The following KLF8 variants were observed in gnomAD, a reference collection of about 807,000 sequenced individuals.
KLF8 encodes Krueppel-like factor 8.
A neutral mutation model predicts 18.2 loss-of-function variants in KLF8; 10 were observed. The observed-to-expected ratio is 0.55, with a 90% CI of 0.34 to 0.93. The LOEUF is 0.93. Ranked by LOEUF, KLF8 falls within the 40% of genes least tolerant of loss-of-function variation. KLF8 has a pLI of 0.02. For synonymous variants in KLF8, 109 were observed against 97.3 expected, an observed-to-expected ratio of 1.12 and a Z score of -0.71; for missense variants, 264 against 277.9, an observed-to-expected ratio of 0.95 and a Z score of 0.36.
At chrX:56,067,263 C>T in the KLF8 span, among the ~76,000 whole-genome samples, 1 of 105,660 alleles carries the variant, frequency 9.5e-6, no homozygotes, top group Non-Finnish European at 2.0e-5. Context: ...CATCTTAAAG[C>T]TTCTTCCCAA....
the KLF8 span, among the ~76,000 whole-genome samples, chrX:56,153,911 C>A: frequency 2.7e-5 from 3 of 111,316 alleles, no homozygotes. Flanking sequence ...CTACAAACCA[C>A]TGCTCAGTGA....
At chrX:56,091,258 T>C in the KLF8 span, among the ~76,000 whole-genome samples, 6 of 110,764 alleles carry the variant, frequency 5.4e-5, no homozygotes, top group East Asian at 1.4e-3. Context: ...AAGGGGCTTT[T>C]CCCCCATCAC....
At chrX:56,003,774 G>A in the KLF8 span, among the ~76,000 whole-genome samples, 6 of 111,976 alleles carry the variant, frequency 5.4e-5, no homozygotes, top group East Asian at 1.7e-3. Context: ...ACAGATCTGT[G>A]TGTTTTCTTA....
chrX:56,092,868 C>T, the KLF8 span, among the ~76,000 whole-genome samples: 1 of 109,466 alleles, frequency 9.1e-6, no homozygotes. Flanking sequence ...AAAGGAAATG[C>T]TATAAATTAA....
At chrX:56,135,893 C>T in the KLF8 span, among the ~76,000 whole-genome samples, 73 of 111,058 alleles carry the variant, frequency 6.6e-4, no homozygotes, top group Admixed American at 1.7e-3. Context: ...CCACTAAATG[C>T]CCACATCAAA....
chrX:56,272,166 G>A (rs970309561), intron 5 of KLF8, among the ~76,000 whole-genome samples: 1 of 111,189 alleles, frequency 9.0e-6, no homozygotes, highest in Non-Finnish European at 1.9e-5. Flanking sequence ...GATCATGACA[G>A]CCAGATGACT....
rs769776692 is a variant in KLF8 at position 56,234,379 on chromosome X, AGAT to A, written c.7+1039_7+1041del. Among the ~76,000 whole-genome samples the A allele has an allele frequency of 6.3e-5, 7 of 111,969 alleles. No homozygotes were observed. The Admixed American group carries it at 6.6e-4, about 11-fold the overall frequency. ...TGCAGATTAATAATTCTATCTCAGT[AGAT>A]ACTCGGGTGGATGAAATATCTTGTG... On this transcript the variant is annotated intron_variant, in intron 1 of 5. Transcript: ENST00000468660.
the KLF8 span, among the ~76,000 whole-genome samples, chrX:55,921,148 T>C: frequency 8.9e-6 from 1 of 112,323 alleles, no homozygotes; most frequent in Non-Finnish European, 1.9e-5. Flanking sequence ...GGTCTAATAT[T>C]CAGCATATAC....
chrX:56,192,913 C>G, the KLF8 span, among the ~76,000 whole-genome samples: 3 of 112,359 alleles, frequency 2.7e-5, no homozygotes, highest in East Asian at 8.4e-4. Flanking sequence ...GGACTTTGGC[C>G]TGGGCAAAAA....
chrX:56,169,551 G>A, the KLF8 span, among the ~76,000 whole-genome samples: 1 of 111,562 alleles, frequency 9.0e-6, no homozygotes, highest in Admixed American at 9.5e-5. Context: ...TAGTTTGGCA[G>A]TACTCTCTGT....
At chrX:55,993,131 C>T in the KLF8 span, among the ~76,000 whole-genome samples, 1 of 111,112 alleles carries the variant, frequency 9.0e-6, no homozygotes, top group Non-Finnish European at 1.9e-5. Flanking sequence ...ACTTTCAGTA[C>T]TATGTTGAAT....
chrX:55,960,631 G>T, the KLF8 span, among the ~76,000 whole-genome samples: 1 of 110,022 alleles, frequency 9.1e-6, no homozygotes, highest in Non-Finnish European at 1.9e-5. Flanking sequence ...AAGGAGAAAA[G>T]AAGAAGAAGG....
At chrX:56,058,279 CATATATAT>C in the KLF8 span, among the ~76,000 whole-genome samples, 387 of 7,246 alleles carry the variant, frequency 0.053, 20 homozygotes, top group Admixed American at 0.22. Flanking sequence ...CATATATATA[CATATATAT>C]ATATATATAT....
chrX:56,058,454 A>C, the KLF8 span, among the ~76,000 whole-genome samples: 1 of 101,639 alleles, frequency 9.8e-6, no homozygotes, highest in Non-Finnish European at 2.0e-5. Context: ...CCCGTCACCT[A>C]CATTAGGTAT....
At chrX:56,176,432 C>A in the KLF8 span, among the ~76,000 whole-genome samples, 4 of 111,589 alleles carry the variant, frequency 3.6e-5, no homozygotes, top group African/African-American at 1.3e-4. Context: ...ATATTGGCCC[C>A]CACTCTCTTC....
At chrX:55,987,248 G>A in the KLF8 span, among the ~76,000 whole-genome samples, 10 of 106,620 alleles carry the variant, frequency 9.4e-5, no homozygotes, top group Admixed American at 9.2e-4. Context: ...TGTGCACAAT[G>A]TGCAGCTTTG....
chrX:56,138,046 CAAAAAA>C, the KLF8 span, among the ~76,000 whole-genome samples: 2 of 56,646 alleles, frequency 3.5e-5, no homozygotes, highest in African/African-American at 1.5e-4. Context: ...CACAGAAATA[CAAAAAA>C]AAAAAAAAAA....
chrX:56,227,917 A>ACC (rs1436996033), upstream of KLF8, among the ~76,000 whole-genome samples: 7 of 95,397 alleles, frequency 7.3e-5, no homozygotes, highest in East Asian at 3.5e-4. Flanking sequence ...ACACACACAC[A>ACC]CCTAGTCAAG....
At chrX:55,997,863 G>A in the KLF8 span, among the ~76,000 whole-genome samples, 1 of 110,959 alleles carries the variant, frequency 9.0e-6, no homozygotes, top group Non-Finnish European at 1.9e-5. Flanking sequence ...ACAAAGTATA[G>A]AGAAAGAAAT....
Sources: gnomAD v4.1 joint callset for allele counts (sites outside exome capture counted in the v4.1 genomes callset) on GRCh38, gnomAD v4.1.1 for gene constraint, MANE v1.5 for transcripts, NCBI Gene and HGNC (gene_info 2026-07-23, HGNC 2026-07-21) for gene names.